CNTNAP2: variants seen among roughly 807,000 people sequenced by gnomAD.
The protein encoded by CNTNAP2 is contactin-associated protein-like 2.
In CNTNAP2, 98 loss-of-function variants were observed where a neutral mutation model predicts 155.2. The ratio of observed to expected loss-of-function variants is 0.63; its 90% confidence interval spans 0.54 to 0.75. The LOEUF (loss-of-function observed/expected upper bound fraction) is 0.75, where lower values mean the gene tolerates loss of function less well. Among genes scored for constraint, CNTNAP2 ranks in the 30% least tolerant of loss-of-function variants. CNTNAP2 has a pLI of 0.00. For missense variants in CNTNAP2, 1,727 were observed against 1,688.1 expected (o/e 1.02, Z -0.40); for synonymous variants, 651 against 631.2 (o/e 1.03, Z -0.47).
At chr7:146,934,122 C>T (rs1796853603) in intron 3 of CNTNAP2, among the ~76,000 whole-genome samples, 1 of 151,976 alleles carries the variant, frequency 6.6e-6, no homozygotes, top group Non-Finnish European at 1.5e-5. Flanking sequence ...AATCATGCTG[C>T]TATAAAGACA....
At chr7:147,733,923 G>C (rs553359326) in intron 13 of CNTNAP2, among the ~76,000 whole-genome samples, 3 of 152,140 alleles carry the variant, frequency 2.0e-5, no homozygotes, top group South Asian at 2.1e-4. Context: ...GGGCTGAGAC[G>C]ATGGGGTTTT....
At chr7:147,561,158 A>G (rs1800056506) in intron 11 of CNTNAP2, among the ~76,000 whole-genome samples, 1 of 152,126 alleles carries the variant, frequency 6.6e-6, no homozygotes, top group South Asian at 2.1e-4. Flanking sequence ...GTACAATATA[A>G]GCTTAACAAT....
intron 1 of CNTNAP2, among the ~76,000 whole-genome samples, chr7:146,726,728 A>C (rs1312634424): frequency 6.6e-6 from 1 of 152,142 alleles, no homozygotes; most frequent in Non-Finnish European, 1.5e-5. Context: ...GAGTGGTGTA[A>C]AGAGTAGTCT....
intron 21 of CNTNAP2, among the ~76,000 whole-genome samples, chr7:148,374,421 C>A (rs1168346138): frequency 6.6e-6 from 1 of 152,134 alleles, no homozygotes. Flanking sequence ...ACCTTTCTAC[C>A]CTTTTTTCCC....
At chr7:147,078,489 G>A (rs1474075990) in intron 4 of CNTNAP2, among the ~76,000 whole-genome samples, 2 of 152,018 alleles carry the variant, frequency 1.3e-5, no homozygotes, top group East Asian at 3.9e-4. Flanking sequence ...TTACTGATTA[G>A]ACAGGGAATT....
rs565869966 is a variant in CNTNAP2 at position 148,117,880 on chromosome 7, G to A, written c.2384-238G>A. Among the ~76,000 whole-genome samples the A allele has an allele frequency of 6.6e-4, 99 of 150,400 alleles. 1 individual carries two copies. Among genetic ancestry groups the A allele is most frequent in the Non-Finnish European group, 1.1e-3 (77 of 67,640 alleles). ...ATTAATATTTAATTTTATATAGATTGTATATATTAATACTTTAAATATCTT... is the reference window on the plus strand; with the variant it reads ...ATTAATATTTAATTTTATATAGATTATATATATTAATACTTTAAATATCTT... On this transcript the variant is annotated intron_variant, in intron 15 of 23. Coordinates refer to ENST00000361727, the MANE Select transcript of CNTNAP2 (RefSeq NM_014141.6).
chr7:147,576,137 G>A (rs557792200), intron 12 of CNTNAP2, among the ~76,000 whole-genome samples: 2 of 151,680 alleles, frequency 1.3e-5, no homozygotes, highest in South Asian at 4.1e-4. Context: ...ATGATTTCTG[G>A]TTAACTGGAT....
At chr7:147,782,997 T>C (rs550342824) in intron 13 of CNTNAP2, among the ~76,000 whole-genome samples, 2 of 152,360 alleles carry the variant, frequency 1.3e-5, no homozygotes, top group East Asian at 1.9e-4. Context: ...AGCAGTATCT[T>C]CTTATCTCTA....
At chr7:146,619,941 G>T (rs117386934) in intron 1 of CNTNAP2, among the ~76,000 whole-genome samples, 2,286 of 152,230 alleles carry the variant, frequency 0.015, 31 homozygotes, top group Middle Eastern at 0.034. Context: ...TGTTAAAGAT[G>T]TATAAAAATA....
At chr7:147,759,458 C>A (rs1425256249) in intron 13 of CNTNAP2, among the ~76,000 whole-genome samples, 1 of 152,178 alleles carries the variant, frequency 6.6e-6, no homozygotes, top group Non-Finnish European at 1.5e-5. Flanking sequence ...GACTTTCTAC[C>A]AAAATCCATG....
chr7:148,070,336 A>T (rs988488041), intron 15 of CNTNAP2, among the ~76,000 whole-genome samples: 2 of 152,262 alleles, frequency 1.3e-5, no homozygotes, highest in African/African-American at 4.8e-5. Context: ...AGACTCAGAT[A>T]ATGAACTTGC....
At chr7:147,768,556 T>C (rs573367029) in intron 13 of CNTNAP2, among the ~76,000 whole-genome samples, 1 of 152,260 alleles carries the variant, frequency 6.6e-6, no homozygotes, top group Non-Finnish European at 1.5e-5. Flanking sequence ...TTAAAATGTG[T>C]ATTTATTTCT....
intron 1 of CNTNAP2, among the ~76,000 whole-genome samples, chr7:146,464,117 A>G (rs1163110243): frequency 2.0e-5 from 3 of 152,064 alleles, no homozygotes; most frequent in Non-Finnish European, 2.9e-5. Context: ...TTTGACCACA[A>G]AAAACAGTTC....
chr7:147,289,402 A>AC (rs1457604751), intron 8 of CNTNAP2, among the ~76,000 whole-genome samples: 1 of 151,998 alleles, frequency 6.6e-6, no homozygotes, highest in Non-Finnish European at 1.5e-5. Context: ...AGAATCAAAT[A>AC]CTAAAAAAAA....
At chr7:147,894,259 T>A (rs1251435235) in intron 13 of CNTNAP2, 1 of 152,210 alleles carries the variant, frequency 6.6e-6, no homozygotes, top group African/African-American at 2.4e-5. Context: ...ATGGATTTTG[T>A]AATCAGATCA....
chr7:146,646,683 T>A (rs914507719), intron 1 of CNTNAP2, among the ~76,000 whole-genome samples: 26 of 152,180 alleles, frequency 1.7e-4, no homozygotes, highest in African/African-American at 6.3e-4. Context: ...ATTCTTGTTA[T>A]CCACACTAAA....
At position 146,809,581 on chromosome 7, in the gene CNTNAP2, C is replaced by T. The variant is rs1228937228; in HGVS notation, c.209-30130C>T. Among the ~76,000 whole-genome samples the T allele has an allele frequency of 7.2e-5, 11 of 152,034 alleles. No homozygotes were observed. The South Asian group carries it at 2.3e-3, about 32-fold the overall frequency. The stretch of plus-strand genomic sequence containing the variant: ...GTTTTACCATGTTGGCCAGGCTGGT[C>T]TCGAACTCCTGACCTCAAGTGATTT... On this transcript the variant is annotated intron_variant, in intron 2 of 23. Coordinates refer to ENST00000361727, the MANE Select transcript of CNTNAP2 (RefSeq NM_014141.6).
chr7:146,973,596 A>G (rs1797847515), intron 3 of CNTNAP2, among the ~76,000 whole-genome samples: 2 of 152,206 alleles, frequency 1.3e-5, no homozygotes, highest in African/African-American at 2.4e-5. Context: ...GATTAAATCA[A>G]TACCATCATG....
intron 13 of CNTNAP2, among the ~76,000 whole-genome samples, chr7:147,725,544 C>A (rs1796626776): frequency 6.6e-6 from 1 of 152,028 alleles, no homozygotes; most frequent in East Asian, 1.9e-4. Context: ...AGATGAGTGT[C>A]CCCCACTCTC....
Sources: gnomAD v4.1 joint callset for allele counts (sites outside exome capture counted in the v4.1 genomes callset) on GRCh38, gnomAD v4.1.1 for gene constraint, MANE v1.5 for transcripts, NCBI Gene and HGNC (gene_info 2026-07-23, HGNC 2026-07-21) for gene names.